Variants in PPM1E observed in about 807,000 individuals in gnomAD.
The protein encoded by PPM1E is protein phosphatase 1E.
A neutral mutation model predicts 65.9 loss-of-function variants in PPM1E; 20 were observed. That is an observed-to-expected ratio of 0.30 (90% CI 0.21 to 0.44). The LOEUF is 0.44. PPM1E is among the 20% of genes least tolerant of loss of function. The pLI, the probability that PPM1E is intolerant of heterozygous loss-of-function variation, is 1.00. For missense variants in PPM1E, 713 were observed against 953.1 expected, an observed-to-expected ratio of 0.75 and a Z score of 3.32; for synonymous variants, 352 against 374.9, an observed-to-expected ratio of 0.94 and a Z score of 0.70.
At chr17:58,928,076 A>G (rs1172173464) in intron 1 of PPM1E, among the ~76,000 whole-genome samples, 2 of 151,184 alleles carry the variant, frequency 1.3e-5, no homozygotes, top group Non-Finnish European at 2.9e-5. Flanking sequence ...AAAAAAAAAA[A>G]TTAACCAGGC....
chr17:58,957,247 T>G (rs1031582674), intron 2 of PPM1E, among the ~76,000 whole-genome samples: 1 of 152,148 alleles, frequency 6.6e-6, no homozygotes, highest in African/African-American at 2.4e-5. Flanking sequence ...TATTATTTTA[T>G]TTTTCCATTT....
intron 1 of PPM1E, among the ~76,000 whole-genome samples, chr17:58,838,865 T>C (rs1226941329): frequency 6.6e-6 from 1 of 152,180 alleles, no homozygotes; most frequent in Non-Finnish European, 1.5e-5. Context: ...AGAAAGGAGA[T>C]ATTAAACCAG....
chr17:58,959,665 C>A (rs1416918923), intron 2 of PPM1E, among the ~76,000 whole-genome samples: 1 of 146,966 alleles, frequency 6.8e-6, no homozygotes, highest in East Asian at 2.0e-4. Context: ...CTGCACCCAG[C>A]CTAAAAAAAA....
intron 1 of PPM1E, among the ~76,000 whole-genome samples, chr17:58,808,309 C>T (rs1471076602): frequency 6.6e-6 from 1 of 152,112 alleles, no homozygotes; most frequent in Non-Finnish European, 1.5e-5. Context: ...TTCCATATAA[C>T]CCTTAGGATC....
intron 1 of PPM1E, among the ~76,000 whole-genome samples, chr17:58,927,158 G>T (rs1487805428): frequency 8.0e-6 from 1 of 125,734 alleles, no homozygotes; most frequent in South Asian, 2.3e-4. Context: ...GCAGAATCTC[G>T]CTCTGTCGCC....
chr17:58,891,022 G>T (rs1204911299), intron 1 of PPM1E, among the ~76,000 whole-genome samples: 1 of 151,948 alleles, frequency 6.6e-6, no homozygotes, highest in East Asian at 1.9e-4. Context: ...CCAGGCTGCA[G>T]TGCAATGGCG....
intron 1 of PPM1E, among the ~76,000 whole-genome samples, chr17:58,857,260 A>ATT (rs571669673): frequency 2.0e-5 from 3 of 148,502 alleles, no homozygotes; most frequent in Non-Finnish European, 3.0e-5. Flanking sequence ...TGAATGGAAG[A>ATT]TTTTTTTTTT....
At chr17:58,890,078 AG>A (rs1482703449) in intron 1 of PPM1E, among the ~76,000 whole-genome samples, 1 of 152,196 alleles carries the variant, frequency 6.6e-6, no homozygotes, top group Non-Finnish European at 1.5e-5. Flanking sequence ...TGAATATAGA[AG>A]CATTGCTCCT....
intron 1 of PPM1E, among the ~76,000 whole-genome samples, chr17:58,778,494 C>A (rs2144199285): frequency 7.0e-6 from 1 of 143,508 alleles, no homozygotes; most frequent in East Asian, 2.1e-4. Flanking sequence ...ACTGCAACTT[C>A]TGCCTGTCGG....
chr17:58,904,581 A>G (rs1318045732), intron 1 of PPM1E, among the ~76,000 whole-genome samples: 1 of 152,174 alleles, frequency 6.6e-6, no homozygotes, highest in African/African-American at 2.4e-5. Flanking sequence ...TGTTGAATTT[A>G]TAGATCAAAT....
chr17:58,973,019 A>C (rs146257032), intron 6 of PPM1E, 94 bp downstream of exon 6: 2 of 765,434 alleles, frequency 2.6e-6, no homozygotes, highest in Non-Finnish European at 4.3e-6. Context: ...ATGATAATTT[A>C]TGTTACCAGA....
At chr17:58,885,438 G>A (rs571654398) in intron 1 of PPM1E, among the ~76,000 whole-genome samples, 1 of 152,264 alleles carries the variant, frequency 6.6e-6, no homozygotes, top group East Asian at 1.9e-4. Flanking sequence ...TCACATGTCC[G>A]ATGACCTTTG....
At chr17:58,868,379 T>A (rs904530856) in intron 1 of PPM1E, among the ~76,000 whole-genome samples, 27 of 151,766 alleles carry the variant, frequency 1.8e-4, no homozygotes, top group African/African-American at 1.5e-4. Context: ...CAAAAAAAAA[T>A]TTTTTTTAAT....
intron 1 of PPM1E, among the ~76,000 whole-genome samples, chr17:58,779,862 A>G (rs534128154): frequency 6.6e-6 from 1 of 152,280 alleles, no homozygotes; most frequent in African/African-American, 2.4e-5. Context: ...TTATTCTACT[A>G]CAACTTTAAA....
chr17:58,765,687 A>G (rs9915935), intron 1 of PPM1E, among the ~76,000 whole-genome samples: 96,551 of 151,806 alleles, frequency 0.64, 31,104 homozygotes, highest in African/African-American at 0.71. Context: ...GTTTAAGAAA[A>G]AAAAAGAACC....
rs948863597 is a variant in PPM1E at position 58,836,350 on chromosome 17, G to A, written c.464+79889G>A. Among the ~76,000 whole-genome samples, 5 of 151,858 alleles carry A rather than the reference G, an allele frequency of 3.3e-5. No homozygotes were observed. In the East Asian group the frequency reaches 9.8e-4, roughly 30 times the overall value. ...ATCTAAATCAAAGAATTCCCAGGGG[G>A]CCTGGCATGGTGGCTCACACCTGCA... On this transcript the variant is annotated intron_variant, in intron 1 of 6. Transcript: ENST00000308249.
At chr17:58,869,099 G>A (rs541723909) in intron 1 of PPM1E, among the ~76,000 whole-genome samples, 91 of 152,324 alleles carry the variant, frequency 6.0e-4, no homozygotes, top group African/African-American at 2.2e-3. Context: ...GAACCCGGGA[G>A]GCAGAGATTG....
chr17:58,772,933 T>C (rs2049954518), intron 1 of PPM1E, among the ~76,000 whole-genome samples: 1 of 151,982 alleles, frequency 6.6e-6, no homozygotes, highest in Non-Finnish European at 1.5e-5. Flanking sequence ...TATTTGGCTA[T>C]TAGAACAGTG....
chr17:58,852,019 C>T lies in PPM1E; in HGVS notation c.464+95558C>T, dbSNP rs151165361. On this transcript the variant is annotated intron_variant, in intron 1 of 6. Coordinates refer to ENST00000308249, the MANE Select transcript of PPM1E (RefSeq NM_014906.5). ...TCAGCCTAGCTGCTGCCTTGCAGTT[C>T]GATCTCAGACTGCTGTGCCAGCAGT... 4.9e-3 allele frequency among the ~76,000 whole-genome samples: 748 copies of T among 152,292 alleles called. 3 individuals carry two copies. Among genetic ancestry groups the T allele is most frequent in the Non-Finnish European group, 7.7e-3 (527 of 68,032 alleles).
Sources: gnomAD v4.1 joint callset for allele counts (sites outside exome capture counted in the v4.1 genomes callset) on GRCh38, gnomAD v4.1.1 for gene constraint, MANE v1.5 for transcripts, NCBI Gene and HGNC (gene_info 2026-07-23, HGNC 2026-07-21) for gene names.